The following PSMD13 variants were observed in gnomAD, a reference collection of about 807,000 sequenced individuals.
PSMD13 encodes the protein 26S proteasome non-ATPase regulatory subunit 13.
A neutral mutation model predicts 57.4 loss-of-function variants in PSMD13; 8 were observed. The observed-to-expected ratio is 0.14, with a 90% CI of 0.08 to 0.25. The LOEUF is 0.25. Ranked by LOEUF, PSMD13 falls within the 10% of genes least tolerant of loss-of-function variation. The probability of loss-of-function intolerance (pLI) is 1.00; values close to 1 mark genes in which losing one functional copy is unlikely to be tolerated. For synonymous variants in PSMD13, 193 were observed against 168.2 expected, an observed-to-expected ratio of 1.15 and a Z score of -1.14; for missense variants, 400 against 461.5, an observed-to-expected ratio of 0.87 and a Z score of 1.22.
intron 6 of PSMD13, among the ~76,000 whole-genome samples, chr11:245,182 A>G (rs527778624): frequency 1.8e-4 from 27 of 152,216 alleles, no homozygotes; most frequent in African/African-American, 5.8e-4. Context: ...ACCTCAAGTG[A>G]TCCCTCTGCC....
At chr11:245,541 T>C (rs980113534) in intron 6 of PSMD13, among the ~76,000 whole-genome samples, 3 of 152,198 alleles carry the variant, frequency 2.0e-5, no homozygotes, top group Admixed American at 1.3e-4. Context: ...TTTTTATGTC[T>C]TTCTTATGTT....
At chr11:241,626 C>T (rs1859517663) in intron 2 of PSMD13, among the ~76,000 whole-genome samples, 1 of 152,184 alleles carries the variant, frequency 6.6e-6, no homozygotes, top group Non-Finnish European at 1.5e-5. Context: ...GGCCCAGTTA[C>T]CCCTAACTCA....
At chr11:250,225 A>C (rs972683832) in intron 9 of PSMD13, among the ~76,000 whole-genome samples, 1 of 152,236 alleles carries the variant, frequency 6.6e-6, no homozygotes, top group African/African-American at 2.4e-5. Context: ...CCTTGGTTTA[A>C]TTCTGTGCTC....
intron 9 of PSMD13, among the ~76,000 whole-genome samples, chr11:250,161 C>T (rs1462218512): frequency 6.6e-6 from 1 of 152,162 alleles, no homozygotes; most frequent in Non-Finnish European, 1.5e-5. Flanking sequence ...ATGTCCCCAT[C>T]GGGGCTACCT....
At chr11:243,946 T>A (rs1322184515) in intron 2 of PSMD13, 95 bp from the exon 3 acceptor site, 1 of 1,293,100 alleles carries the variant, frequency 7.7e-7, no homozygotes. Flanking sequence ...CTTGATAGCA[T>A]TGATGCAGCT....
chr11:249,590 C>T (rs1027267813), intron 9 of PSMD13, among the ~76,000 whole-genome samples: 1 of 8,260 alleles, frequency 1.2e-4, no homozygotes, highest in East Asian at 2.1e-3. Context: ...GCGGCGGGTG[C>T]GGGGAGGGGG....
intron 2 of PSMD13, among the ~76,000 whole-genome samples, chr11:242,298 A>T (rs1859532146): frequency 6.7e-6 from 1 of 148,604 alleles, no homozygotes; most frequent in Non-Finnish European, 1.5e-5. Flanking sequence ...AAGTGTGCTG[A>T]ATGGCTAAGA....
chr11:247,412 C>A lies in PSMD13; in HGVS notation c.532C>A (p.Arg178=). 1 of 1,613,724 alleles carries A rather than the reference C, an allele frequency of 6.2e-7. No homozygotes were observed. The highest frequency in any genetic ancestry group is 8.5e-7 in the Non-Finnish European group (1 of 1,179,842). Residue 178 remains arginine (R), a synonymous_variant, in exon 7 of 13, where the codon CGG becomes AGG. Transcript: ENST00000532097. The part of the protein sequence containing the change: ...NHASYYKDAL[R]FLGCVDIKDL... ...CGCGTCCTACTACAAAGATGCTCTG[C>A]GGTTTTTGGGCTGTGTTGACATCAA...
chr11:249,175 A>G (rs1419787486), intron 9 of PSMD13, 118 bp downstream of exon 9: 2 of 1,403,430 alleles, frequency 1.4e-6, no homozygotes, highest in Admixed American at 1.9e-5. Flanking sequence ...AGAGGAGACC[A>G]AGATAGGCTA....
In PSMD13 at chr11:239,025, G is replaced by C. The variant is rs1043962704; in HGVS notation, c.123G>C (p.Val41=). 1.9e-6 allele frequency: 3 copies of C among 1,614,152 alleles called. No homozygotes were observed. The highest frequency in any genetic ancestry group is 2.5e-6 in the Non-Finnish European group (3 of 1,180,024). ...TGTGGCATCAGCTGACACTTCAGGT[G>C]CTTGATTTTGTGCAGGATCCGTGCT... ...KKLWHQLTLQ[V]LDFVQDPCFA... The change falls in exon 2 of 13, where the codon GTG becomes GTC. Residue 41 remains valine (V), a synonymous_variant. Coordinates refer to ENST00000532097, the MANE Select transcript of PSMD13 (RefSeq NM_002817.4).
At position 249,037 on chromosome 11, in the gene PSMD13, A is replaced by G; in HGVS notation, c.754A>G (p.Lys252Glu). 2 of 1,613,230 alleles carry G rather than the reference A, an allele frequency of 1.2e-6. No homozygotes were observed. The highest frequency in any genetic ancestry group is 2.2e-5 in the South Asian group (2 of 91,038). ...SGNVERFQTL[K>E]TAWGQQPDLA... ...CAACGTAGAGCGGTTCCAGACTCTG[A>G]AGACTGCCTGGGGCCAGCAGGTAGG... The change falls in exon 9 of 13, where the codon AAG (lysine) becomes GAG (glutamate). Residue 252 changes from lysine (K) to glutamate (E), a missense_variant. Transcript: ENST00000532097.
Position 252,491 on chromosome 11 carries a change from G to T in PSMD13, c.1036-14G>T, listed in dbSNP as rs1377585294. On this transcript the variant is annotated splice_polypyrimidine_tract_variant and intron_variant, in intron 12 of 12. Coordinates refer to ENST00000532097, the MANE Select transcript of PSMD13 (RefSeq NM_002817.4). This position sits in a 1 kb window ranked among gnomAD's most constrained non-coding sequence, Gnocchi z 4.1. ...CGTGTCTTAACGTCCCTTGTGTCCG[G>T]ATTTCCATTTCAGATCAAGGGAATG... is the stretch of plus-strand genomic sequence containing the variant. The T allele has an allele frequency of 6.2e-7, 1 of 1,613,444 alleles. No individual in the cohort carries two copies. The highest frequency in any genetic ancestry group is 1.3e-5 in the African/African-American group (1 of 74,900).
intron 1 of PSMD13, among the ~76,000 whole-genome samples, chr11:237,848 A>G (rs913641067): frequency 5.9e-5 from 9 of 152,232 alleles, no homozygotes; most frequent in African/African-American, 1.7e-4. Context: ...AGTAGAATAA[A>G]TTGCTGGCAT....
At chr11:242,489 T>A (rs560000767) in intron 2 of PSMD13, among the ~76,000 whole-genome samples, 4 of 152,028 alleles carry the variant, frequency 2.6e-5, no homozygotes, top group Non-Finnish European at 2.9e-5. Flanking sequence ...AAGATAGATA[T>A]AAGATTTCAA....
chr11:237,932 A>G (rs1859388554), intron 1 of PSMD13, among the ~76,000 whole-genome samples: 1 of 152,210 alleles, frequency 6.6e-6, no homozygotes, highest in Non-Finnish European at 1.5e-5. Flanking sequence ...TTAATATAAT[A>G]CCTTTCACAT....
intron 9 of PSMD13, among the ~76,000 whole-genome samples, chr11:249,642 G>A (rs1859734400): frequency 6.6e-6 from 1 of 150,572 alleles, no homozygotes; most frequent in Non-Finnish European, 1.5e-5. Context: ...CATGCAGGGA[G>A]AACAGCCAAT....
intron 1 of PSMD13, 27 bp downstream of exon 1, chr11:237,171 G>A: frequency 6.3e-7 from 1 of 1,592,886 alleles, no homozygotes; most frequent in South Asian, 1.1e-5. Flanking sequence ...CGGGCCCTGG[G>A]CCCCGGCGAT....
chr11:247,515 C>T, intron 7 of PSMD13, 67 bp downstream of exon 7: 1 of 1,533,318 alleles, frequency 6.5e-7, no homozygotes, highest in Non-Finnish European at 8.9e-7. Context: ...CTGTGAGTTG[C>T]TTGAGGTGAC....
chr11:239,189 T>G (rs756594254), intron 2 of PSMD13, 113 bp downstream of exon 2: 4 of 1,030,300 alleles, frequency 3.9e-6, no homozygotes, highest in Non-Finnish European at 6.1e-6. Flanking sequence ...AGCAGTCACT[T>G]TACGTCAGGT....
Sources: gnomAD v4.1 joint callset for allele counts (sites outside exome capture counted in the v4.1 genomes callset) on GRCh38, gnomAD v4.1.1 for gene constraint, Gnocchi (gnomAD v3.1) non-coding constraint, MANE v1.5 for transcripts, NCBI Gene and HGNC (gene_info 2026-07-23, HGNC 2026-07-21) for gene names.